NAV1: variants seen among roughly 807,000 people sequenced by gnomAD.
The protein encoded by NAV1 is pore membrane and/or filament interacting like protein 3.
Under a neutral mutation model 175.2 loss-of-function variants are expected in NAV1, and 18 were observed. The observed-to-expected ratio is 0.10, with a 90% CI of 0.07 to 0.15. The LOEUF is 0.15. Among genes scored for constraint, NAV1 ranks in the 10% least tolerant of loss-of-function variants. The probability of loss-of-function intolerance (pLI) is 1.00; values close to 1 mark genes in which losing one functional copy is unlikely to be tolerated. For synonymous variants in NAV1, 897 were observed against 978.7 expected, an observed-to-expected ratio of 0.92 and a Z score of 1.56; for missense variants, 1,731 against 2,436.6, an observed-to-expected ratio of 0.71 and a Z score of 6.10.
Position 201,740,117 on chromosome 1 carries a change from G to A in NAV1, c.1226+21362G>A, listed in dbSNP as rs1244214548. ...CCCCTGGCCTCACCGCCAGACCGCA[G>A]AGCTGGGGTCGGGTTTGTGGCACCC... On this transcript the variant is annotated intron_variant, in intron 3 of 29. Coordinates refer to ENST00000367296, the Ensembl canonical transcript of NAV1. This position sits in a 1 kb window ranked among gnomAD's most constrained non-coding sequence, Gnocchi z 4.7. The A allele has an allele frequency of 1.3e-5, 18 of 1,412,644 alleles. No homozygotes were observed. Among genetic ancestry groups the A allele is most frequent in the Non-Finnish European group, 6.5e-6 (7 of 1,080,730 alleles). The allele number at this position is 1,412,644 out of a possible 1,614,324, so 87.5% of individuals were successfully genotyped here.
At chr1:201,818,733 A>G (rs916977591) in intron 29 of NAV1, among the ~76,000 whole-genome samples, 3 of 152,212 alleles carry the variant, frequency 2.0e-5, no homozygotes, top group African/African-American at 7.2e-5. Flanking sequence ...TGATAAAACC[A>G]TTTTGGAAGA....
exon 2 of NAV1, chr1:201,712,890 C>A (rs1191938288): frequency 6.2e-7 from 1 of 1,613,924 alleles, no homozygotes; most frequent in East Asian, 2.2e-5. Context: ...AGACCATGTC[C>A]AGCCTGCGAG....
chr1:201,652,886 C>T (rs1669259048), intron 1 of NAV1, among the ~76,000 whole-genome samples: 1 of 152,186 alleles, frequency 6.6e-6, no homozygotes, highest in African/African-American at 2.4e-5. Flanking sequence ...GCATTGAATA[C>T]ACCTCACGTA....
intron 1 of NAV1, among the ~76,000 whole-genome samples, chr1:201,652,258 G>C (rs1669232512): frequency 6.6e-6 from 1 of 151,014 alleles, no homozygotes; most frequent in South Asian, 2.1e-4. Flanking sequence ...GGCGGAGGGA[G>C]GGGGTGGGAG....
At chr1:201,672,778 G>A (rs1185202713) in intron 1 of NAV1, among the ~76,000 whole-genome samples, 1 of 152,216 alleles carries the variant, frequency 6.6e-6, no homozygotes, top group Non-Finnish European at 1.5e-5. Flanking sequence ...GGTCAGAGCA[G>A]GACTCAGATG....
intron 2 of NAV1, among the ~76,000 whole-genome samples, chr1:201,608,803 G>A (rs2102248542): frequency 6.6e-6 from 1 of 152,306 alleles, no homozygotes; most frequent in African/African-American, 2.4e-5. Flanking sequence ...CTCCCTCCGT[G>A]CGTGACTACC....
At chr1:201,774,698 G>A (rs1408499110) in intron 3 of NAV1, among the ~76,000 whole-genome samples, 2 of 152,092 alleles carry the variant, frequency 1.3e-5, no homozygotes, top group Non-Finnish European at 1.5e-5. Context: ...CTAATGTCTC[G>A]TCACCTCTCT....
At chr1:201,644,100 T>A (rs1017867142), upstream of NAV1, among the ~76,000 whole-genome samples, 3 of 152,068 alleles carry the variant, frequency 2.0e-5, no homozygotes, top group Admixed American at 2.0e-4. Flanking sequence ...TTTCTGCACC[T>A]CCCCTTTAGA....
At chr1:201,785,420 A>T in intron 8 of NAV1, 69 bp downstream of exon 12, 3 of 1,491,204 alleles carry the variant, frequency 2.0e-6, no homozygotes, top group Admixed American at 1.9e-5. Context: ...ATCATATCTC[A>T]ACCTGTCCAA....
intron 2 of NAV1, among the ~76,000 whole-genome samples, chr1:201,591,966 G>C (rs2102214645): frequency 6.6e-6 from 1 of 152,310 alleles, no homozygotes; most frequent in African/African-American, 2.4e-5. Context: ...TCAGGGTCTG[G>C]AACAATCTAA....
chr1:201,623,061 A>G (rs890897445), exon 1 of NAV1: 1 of 985,780 alleles, frequency 1.0e-6, no homozygotes, highest in East Asian at 1.1e-4. Context: ...CCAGACTGGG[A>G]AAGGCTGCAG....
rs73084554 is a variant in NAV1, at chr1:201,629,280, G to C, written c.-100-124G>C. The stretch of plus-strand genomic sequence containing the variant: ...TACCCATCAGGGAGGGGCTGGCCCT[G>C]AGTGGTGCAGGGCACTATCAGAGAA... On this transcript the variant is annotated intron_variant, in intron 1 of 29. Coordinates refer to the NAV1 transcript ENST00000367302. 7.8e-3 allele frequency: 4,026 copies of C among 513,614 alleles called. 125 individuals are homozygous for C. The highest frequency in any genetic ancestry group is 0.074 in the African/African-American group (3,639 of 49,320). The allele number at this position is 513,614 out of a possible 1,614,324, so 31.8% of individuals were successfully genotyped here.
chr1:201,549,783 G>A (rs1361243204), intron 1 of NAV1, among the ~76,000 whole-genome samples: 1 of 151,360 alleles, frequency 6.6e-6, no homozygotes, highest in African/African-American at 2.4e-5. Flanking sequence ...GGCTGAAGCG[G>A]GCAGATCATG....
intron 28 of NAV1, among the ~76,000 whole-genome samples, chr1:201,814,609 A>C (rs2820291): frequency 6.6e-6 from 1 of 152,130 alleles, no homozygotes; most frequent in East Asian, 1.9e-4. Context: ...ATTTCTAAAG[A>C]TGCTGTCAGA....
intron 1 of NAV1, among the ~76,000 whole-genome samples, chr1:201,679,559 TC>T (rs1240640056): frequency 6.6e-6 from 1 of 152,222 alleles, no homozygotes; most frequent in Admixed American, 6.5e-5. Flanking sequence ...ATTTAATAAC[TC>T]TGCACATTGC....
chr1:201,686,910 G>T (rs1670708587), intron 1 of NAV1, among the ~76,000 whole-genome samples: 1 of 152,206 alleles, frequency 6.6e-6, no homozygotes, highest in Non-Finnish European at 1.5e-5. Flanking sequence ...CAAAAACCTC[G>T]AGCAGCAGCT....
At chr1:201,540,967 C>T (rs1246833094) in intron 1 of NAV1, among the ~76,000 whole-genome samples, 1 of 152,226 alleles carries the variant, frequency 6.6e-6, no homozygotes, top group South Asian at 2.1e-4. Context: ...ATTTCCTGAA[C>T]TTTCCAGGTG....
At chr1:201,629,868 C>A (rs746176274) in intron 2 of NAV1, among the ~76,000 whole-genome samples, 3 of 152,280 alleles carry the variant, frequency 2.0e-5, no homozygotes, top group Admixed American at 6.5e-5. Flanking sequence ...GGGAGGCAGG[C>A]CAGAGCCATC....
chr1:201,623,163 A>C (rs571543988), exon 1 of NAV1: 5 of 985,976 alleles, frequency 5.1e-6, no homozygotes, highest in Middle Eastern at 5.2e-4. Flanking sequence ...AGGATGGGGA[A>C]GGCCCCTTCA....
Sources: gnomAD v4.1 joint callset for allele counts (sites outside exome capture counted in the v4.1 genomes callset) on GRCh38, gnomAD v4.1.1 for gene constraint, Gnocchi (gnomAD v3.1) non-coding constraint, MANE v1.5 for transcripts, NCBI Gene and HGNC (gene_info 2026-07-23, HGNC 2026-07-21) for gene names.